The following SH3GLB1 variants were observed in gnomAD, a reference collection of about 807,000 sequenced individuals.
SH3GLB1 encodes SH3 domain containing GRB2 like, endophilin B1.
A neutral mutation model predicts 42.0 loss-of-function variants in SH3GLB1; 17 were observed. The observed-to-expected ratio is 0.40, with a 90% CI of 0.28 to 0.61. The LOEUF is 0.61. Ranked by LOEUF, SH3GLB1 falls within the 20% of genes least tolerant of loss-of-function variation. SH3GLB1 has a pLI of 0.36. For missense variants in SH3GLB1, 355 were observed against 426.3 expected (o/e 0.83, Z 1.47); for synonymous variants, 132 against 146.6 (o/e 0.90, Z 0.72).
chr1:86,724,940 TATATATAAA>T (rs1392031625), intron 5 of SH3GLB1, among the ~76,000 whole-genome samples: 1 of 141,454 alleles, frequency 7.1e-6, no homozygotes, highest in African/African-American at 2.7e-5. Flanking sequence ...TGTGTGTGTA[TATATATAAA>T]ATATATAATA....
At chr1:86,715,560 A>G (rs1041848522) in intron 1 of SH3GLB1, among the ~76,000 whole-genome samples, 164 bp from the exon 2 acceptor site, 3 of 152,230 alleles carry the variant, frequency 2.0e-5, no homozygotes, top group Non-Finnish European at 4.4e-5. Flanking sequence ...ATAAATTACC[A>G]TAGGAGCAAA....
Position 86,704,627 on chromosome 1 carries a change from G to A in SH3GLB1, c.-273G>A, listed in dbSNP as rs1013312031. ...ACGGCGGGGTCGCCCGTCCATCTCCGGCTCGCCCGCGGGGCCCATCGTCGA... is the reference window on the plus strand; with the variant it reads ...ACGGCGGGGTCGCCCGTCCATCTCCAGCTCGCCCGCGGGGCCCATCGTCGA... On this transcript the variant is annotated 5_prime_UTR_variant, in exon 1 of 9. Coordinates refer to ENST00000370558, the MANE Select transcript of SH3GLB1 (RefSeq NM_016009.5). 31 of 317,208 alleles carry A rather than the reference G, an allele frequency of 9.8e-5. No homozygotes were observed. Among genetic ancestry groups the A allele is most frequent in the Non-Finnish European group, 1.8e-4 (31 of 169,922 alleles). 19.6% of individuals were successfully genotyped at this position (317,208 alleles called of 1,614,324 possible). A position where few individuals can be genotyped will look rare whatever the true frequency, so the allele number is the denominator to read the frequency against.
In SH3GLB1 at chr1:86,712,674, A is replaced by G. The variant is rs549762374; in HGVS notation, c.73-3050A>G. Among the ~76,000 whole-genome samples, 8 of 152,242 alleles carry G rather than the reference A, an allele frequency of 5.3e-5. No individual in the cohort carries two copies. In the East Asian group the frequency reaches 1.5e-3, roughly 29 times the overall value. Reference sequence around the variant, plus strand: ...CATAGAAACATTGTCATGTGACCCTACAGTACTGCTATTTTCTAAACAGGT... The same window carrying G: ...CATAGAAACATTGTCATGTGACCCTGCAGTACTGCTATTTTCTAAACAGGT... On this transcript the variant is annotated intron_variant, in intron 1 of 8. Coordinates refer to ENST00000370558, the MANE Select transcript of SH3GLB1 (RefSeq NM_016009.5).
chr1:86,709,949 A>G (rs923593432), intron 1 of SH3GLB1, among the ~76,000 whole-genome samples: 1 of 152,054 alleles, frequency 6.6e-6, no homozygotes, highest in South Asian at 2.1e-4. Context: ...TGGCCAAACA[A>G]CTCTCTCAAG....
intron 5 of SH3GLB1, among the ~76,000 whole-genome samples, chr1:86,728,909 T>G (rs1248234416): frequency 1.3e-5 from 2 of 152,134 alleles, no homozygotes; most frequent in Non-Finnish European, 2.9e-5. Context: ...ATAGAATTAA[T>G]TTTTTCTGCC....
chr1:86,707,852 T>A (rs1258083603), intron 1 of SH3GLB1, among the ~76,000 whole-genome samples: 1 of 152,130 alleles, frequency 6.6e-6, no homozygotes, highest in Admixed American at 6.5e-5. Context: ...TTCACCATGT[T>A]GGTCAGGCTG....
chr1:86,728,528 G>A, intron 5 of SH3GLB1: 1 of 1,276,412 alleles, frequency 7.8e-7, no homozygotes, highest in South Asian at 1.4e-5. Context: ...CTTGAATAAA[G>A]TGCCTTCTCT....
At chr1:86,714,006 TAAAC>T (rs1015768595) in intron 1 of SH3GLB1, among the ~76,000 whole-genome samples, 15 of 152,168 alleles carry the variant, frequency 9.9e-5, no homozygotes, top group African/African-American at 3.6e-4. Flanking sequence ...GTTGAAGGAA[TAAAC>T]AAAATGAACA....
In SH3GLB1 at chr1:86,748,023, A is replaced by C. The variant is rs1054944778; in HGVS notation, c.*4788A>C. ...ATCAAAGTGTACATACTGTTTTGTA[A>C]CTTTTTTTCACTCAACAATACCATG... On this transcript the variant is annotated 3_prime_UTR_variant, in exon 9 of 9. Transcript: ENST00000370558. 1.3e-5 allele frequency: 2 copies of C among 152,116 alleles called. No homozygotes were observed. The highest frequency in any genetic ancestry group is 2.9e-5 in the Non-Finnish European group (2 of 68,022). The allele number at this position is 152,116 out of a possible 1,614,324, so 9.4% of individuals were successfully genotyped here.
At chr1:86,710,633 C>A (rs2101914649) in intron 1 of SH3GLB1, among the ~76,000 whole-genome samples, 1 of 152,322 alleles carries the variant, frequency 6.6e-6, no homozygotes, top group African/African-American at 2.4e-5. Context: ...CCACACCCAA[C>A]TGATGTACTC....
At chr1:86,724,438 A>C in intron 5 of SH3GLB1, 33 bp downstream of exon 5, 1 of 1,442,746 alleles carries the variant, frequency 6.9e-7, no homozygotes, top group South Asian at 1.3e-5. Flanking sequence ...TTGATTAATA[A>C]CTTTAAGATT....
intron 5 of SH3GLB1, 22 bp from the exon 6 acceptor site, chr1:86,734,580 T>A (rs1369847840): frequency 6.4e-7 from 1 of 1,563,600 alleles, no homozygotes; most frequent in Non-Finnish European, 8.8e-7. Context: ...AAAGAGATTC[T>A]AAAACTATAT....
At chr1:86,732,921 A>G (rs1445378460) in intron 5 of SH3GLB1, among the ~76,000 whole-genome samples, 1 of 152,108 alleles carries the variant, frequency 6.6e-6, no homozygotes, top group Non-Finnish European at 1.5e-5. Flanking sequence ...TCAAAGACCT[A>G]TATGGAACTA....
At chr1:86,720,077 A>G (rs1160615959) in intron 3 of SH3GLB1, among the ~76,000 whole-genome samples, 3 of 151,950 alleles carry the variant, frequency 2.0e-5, no homozygotes, top group Non-Finnish European at 4.4e-5. Context: ...ATGAAGTGAG[A>G]AATATAGGCA....
intron 5 of SH3GLB1, among the ~76,000 whole-genome samples, chr1:86,729,892 G>T (rs1464631746): frequency 2.0e-5 from 3 of 151,958 alleles, no homozygotes; most frequent in African/African-American, 7.2e-5. Flanking sequence ...TGATAGCAAT[G>T]ATACATATAA....
At chr1:86,732,286 T>C (rs1655552319) in intron 5 of SH3GLB1, among the ~76,000 whole-genome samples, 1 of 152,232 alleles carries the variant, frequency 6.6e-6, no homozygotes, top group African/African-American at 2.4e-5. Context: ...AAAACTCTTC[T>C]GGCTTACCTA....
intron 3 of SH3GLB1, among the ~76,000 whole-genome samples, 179 bp downstream of exon 3, chr1:86,719,814 T>C (rs1654761459): frequency 6.6e-6 from 1 of 151,772 alleles, no homozygotes; most frequent in African/African-American, 2.4e-5. Flanking sequence ...GCTAACATGG[T>C]GAAACCCCGT....
At chr1:86,728,532 C>A in intron 5 of SH3GLB1, 2 of 1,188,324 alleles carry the variant, frequency 1.7e-6, no homozygotes, top group Non-Finnish European at 2.4e-6. Flanking sequence ...AATAAAGTGC[C>A]TTCTCTTGCT....
intron 1 of SH3GLB1, among the ~76,000 whole-genome samples, chr1:86,708,313 T>A (rs960157300): frequency 3.3e-5 from 5 of 152,170 alleles, no homozygotes; most frequent in Admixed American, 3.3e-4. Context: ...CAATATCTCT[T>A]TATAAGCAGT....
Sources: allele counts gnomAD v4.1 joint callset (sites outside exome capture counted in the v4.1 genomes callset), GRCh38; gene constraint gnomAD v4.1.1; transcripts MANE v1.5; gene names NCBI Gene and HGNC (gene_info 2026-07-23, HGNC 2026-07-21).